JAKMIP1: variants seen among roughly 807,000 people sequenced by gnomAD.
JAKMIP1 encodes janus kinase and microtubule-interacting protein 1.
A neutral mutation model predicts 113.0 loss-of-function variants in JAKMIP1; 33 were observed. The observed-to-expected ratio is 0.29, with a 90% CI of 0.22 to 0.39. JAKMIP1 has a LOEUF of 0.39. Among genes scored for constraint, JAKMIP1 ranks in the 10% least tolerant of loss-of-function variants. JAKMIP1 has a pLI of 1.00. For missense variants in JAKMIP1, 813 were observed against 1,080.5 expected (o/e 0.75, Z 3.47); for synonymous variants, 480 against 459.9 (o/e 1.04, Z -0.56).
At chr4:6,029,173 C>A (rs1290796705) in intron 20 of JAKMIP1, among the ~76,000 whole-genome samples, 1 of 152,232 alleles carries the variant, frequency 6.6e-6, no homozygotes, top group African/African-American at 2.4e-5. Context: ...GTGTCCTAAT[C>A]TATCTCTGCC....
chr4:6,148,890 G>T (rs563683287), intron 1 of JAKMIP1, among the ~76,000 whole-genome samples: 2 of 152,230 alleles, frequency 1.3e-5, no homozygotes, highest in Non-Finnish European at 2.9e-5. Context: ...GTAGAAAAAA[G>T]GAGGAGTATT....
At chr4:6,052,432 A>G (rs925229805) in intron 13 of JAKMIP1, among the ~76,000 whole-genome samples, 1 of 152,014 alleles carries the variant, frequency 6.6e-6, no homozygotes, top group African/African-American at 2.4e-5. Flanking sequence ...GGATCCCTTG[A>G]GGTCAGGAGT....
At chr4:6,082,555 G>A (rs1720736311) in intron 5 of JAKMIP1, among the ~76,000 whole-genome samples, 1 of 151,838 alleles carries the variant, frequency 6.6e-6, no homozygotes, top group Non-Finnish European at 1.5e-5. Flanking sequence ...CCAGGCTTGA[G>A]TGCCGTGGCG....
At position 6,059,425 on chromosome 4, in the gene JAKMIP1, C is replaced by T. The variant is rs1356717906; in HGVS notation, c.1644+999G>A. On this transcript the variant is annotated intron_variant, in intron 11 of 20. Coordinates refer to ENST00000409021, the MANE Select transcript of JAKMIP1 (RefSeq NM_001099433.2). The surrounding 1 kb of genome is among the most constrained non-coding windows in gnomAD (Gnocchi z 4.8). ...GGAACCTCTTACACCCCTTGCTTCACACCCGCCTCCTCCCACTGTATCCCA... is the reference window on the plus strand; with the variant it reads ...GGAACCTCTTACACCCCTTGCTTCATACCCGCCTCCTCCCACTGTATCCCA... 1.3e-5 allele frequency among the ~76,000 whole-genome samples: 2 copies of T among 152,132 alleles called. No individual in the cohort carries two copies. Among genetic ancestry groups the T allele is most frequent in the Non-Finnish European group, 1.5e-5 (1 of 68,014 alleles).
At position 6,080,249 on chromosome 4, in the gene JAKMIP1, T is replaced by C. The variant is rs758224905; in HGVS notation, c.1165A>G (p.Thr389Ala). Residue 389 changes from threonine to alanine, a missense_variant, in exon 7 of 21, where the codon ACG (threonine) becomes GCG (alanine). Physicochemically the swap from Thr to Ala is moderately conservative, Grantham distance 58. Coordinates refer to ENST00000409021, the MANE Select transcript of JAKMIP1 (RefSeq NM_001099433.2). This position sits in a 1 kb window ranked among gnomAD's most constrained non-coding sequence, Gnocchi z 6.0. ...AACTCGATCTCCTGCTCATCCCTCG[T>C]CAGGCTGAGGTCATTCAAGGAGGTA... ...RHTSLNDLSLTRDEQEIEFLR... is the reference protein window; with the variant it reads ...RHTSLNDLSLARDEQEIEFLR... 2 of 1,614,196 alleles carry C rather than the reference T, an allele frequency of 1.2e-6. No homozygotes were observed. Among genetic ancestry groups the C allele is most frequent in the Non-Finnish European group, 1.7e-6 (2 of 1,180,030 alleles).
Position 6,143,530 on chromosome 4 carries a change from C to T in JAKMIP1, c.-147-30533G>A, listed in dbSNP as rs1429604635. Among the ~76,000 whole-genome samples, 1 of 152,224 alleles carries T rather than the reference C, an allele frequency of 6.6e-6. No individual in the cohort carries two copies. The highest frequency in any genetic ancestry group is 6.5e-5 in the Admixed American group (1 of 15,286). ...TGGATCCGGCCTGGGTCCCACCTGG[C>T]CTCTTTCAGTTATGCCTCCAGCCCC... On this transcript the variant is annotated intron_variant, in intron 1 of 20. Transcript: ENST00000409021. The surrounding 1 kb of genome is among the most constrained non-coding windows in gnomAD (Gnocchi z 4.9).
chr4:6,060,414 T>G lies in JAKMIP1; in HGVS notation c.1644+10A>C. ...CTAAGATTCACAGAGCACAGATCAC[T>G]CCTGCTCACCTGTCCCTTCTCAACC... On this transcript the variant is annotated intron_variant, in intron 11 of 20. Coordinates refer to ENST00000409021, the MANE Select transcript of JAKMIP1 (RefSeq NM_001099433.2). 2 of 1,601,830 alleles carry G rather than the reference T, an allele frequency of 1.2e-6. No homozygotes were observed. The highest frequency in any genetic ancestry group is 1.7e-6 in the Non-Finnish European group (2 of 1,168,758).
Position 6,192,814 on chromosome 4 carries a change from G to C in JAKMIP1, c.-148+7439C>G, listed in dbSNP as rs1212599173. On this transcript the variant is annotated intron_variant, in intron 1 of 20. Transcript: ENST00000409021. This position sits in a 1 kb window ranked among gnomAD's most constrained non-coding sequence, Gnocchi z 5.0. ...GATTCTCAAAAGCAAACAGGGTACT[G>C]ATGGGAACCAGGGGCACAGCCGCTA... Among the ~76,000 whole-genome samples the C allele has an allele frequency of 6.6e-6, 1 of 152,162 alleles. No homozygotes were observed. The highest frequency in any genetic ancestry group is 1.5e-5 in the Non-Finnish European group (1 of 68,032).
chr4:6,095,712 G>A (rs1378038816), intron 3 of JAKMIP1, among the ~76,000 whole-genome samples: 4 of 152,116 alleles, frequency 2.6e-5, no homozygotes, highest in South Asian at 2.1e-4. Context: ...CATTTCCTTC[G>A]GTAGACTCCT....
At chr4:6,084,249 G>A (rs886696976) in intron 5 of JAKMIP1, among the ~76,000 whole-genome samples, 2 of 151,502 alleles carry the variant, frequency 1.3e-5, no homozygotes, top group African/African-American at 4.9e-5. Context: ...CCCGGGAGGT[G>A]AAGGTTACGG....
At chr4:6,060,337 C>G in intron 11 of JAKMIP1, 87 bp downstream of exon 11, 6 of 979,678 alleles carry the variant, frequency 6.1e-6, no homozygotes, top group Non-Finnish European at 9.9e-6. Flanking sequence ...CACAGAATGT[C>G]CCCCTTGGCA....
chr4:6,117,187 C>G (rs984682067), intron 1 of JAKMIP1, among the ~76,000 whole-genome samples: 8 of 152,224 alleles, frequency 5.3e-5, no homozygotes, highest in Non-Finnish European at 1.0e-4. Context: ...TTCCATTTCA[C>G]TGAAGTGCAG....
chr4:6,147,775 A>G (rs959814208), intron 1 of JAKMIP1, among the ~76,000 whole-genome samples: 2 of 152,218 alleles, frequency 1.3e-5, no homozygotes, highest in Non-Finnish European at 2.9e-5. Context: ...TCAGCTCACA[A>G]GTCTCTCCCA....
Position 6,180,934 on chromosome 4 carries a change from T to A in JAKMIP1, c.-148+19319A>T, listed in dbSNP as rs1304845562. On this transcript the variant is annotated intron_variant, in intron 1 of 20. Coordinates refer to ENST00000409021, the MANE Select transcript of JAKMIP1 (RefSeq NM_001099433.2). This position sits in a 1 kb window ranked among gnomAD's most constrained non-coding sequence, Gnocchi z 4.5. ...TTGCATCATTTTGGAATCTCCCCTT[T>A]ATTAACGTGCAAAGACCCCTTAAGA... Among the ~76,000 whole-genome samples the A allele has an allele frequency of 6.6e-6, 1 of 152,118 alleles. No individual in the cohort carries two copies. Among genetic ancestry groups the A allele is most frequent in the African/African-American group, 2.4e-5 (1 of 41,414 alleles).
rs1437514500 is a variant in JAKMIP1, at chr4:6,088,268, A to C, written c.625-2639T>G. Among the ~76,000 whole-genome samples, 1 of 152,136 alleles carries C rather than the reference A, an allele frequency of 6.6e-6. No individual in the cohort carries two copies. ...GTGATTGAGAGTGATTTGTGCTATG[A>C]GGGGGAAAAAAAACAATAACAACAT... is the stretch of plus-strand genomic sequence containing the variant. On this transcript the variant is annotated intron_variant, in intron 3 of 20. Transcript: ENST00000409021. This position sits in a 1 kb window ranked among gnomAD's most constrained non-coding sequence, Gnocchi z 5.5.
rs945240660 is a variant in JAKMIP1 at position 6,143,960 on chromosome 4, G to A, written c.-147-30963C>T. 6.6e-6 allele frequency among the ~76,000 whole-genome samples: 1 copy of A among 152,164 alleles called. No individual in the cohort carries two copies. The highest frequency in any genetic ancestry group is 1.5e-5 in the Non-Finnish European group (1 of 68,022). ...GGCTGGAGCAGGGACCACAGCATCT[G>A]CCTCACAGGCATGCCAGGGGGTCAA... On this transcript the variant is annotated intron_variant, in intron 1 of 20. Transcript: ENST00000409021. The surrounding 1 kb of genome is among the most constrained non-coding windows in gnomAD (Gnocchi z 4.9).
At position 6,176,779 on chromosome 4, in the gene JAKMIP1, C is replaced by A. The variant is rs554079897; in HGVS notation, c.-148+23474G>T. Reference sequence around the variant, plus strand: ...GGGCGCCATGGCTCACACCTGTAATCCTAGCACTTTTTGGGGGCCGAGGCA... The same window carrying A: ...GGGCGCCATGGCTCACACCTGTAATACTAGCACTTTTTGGGGGCCGAGGCA... On this transcript the variant is annotated intron_variant, in intron 1 of 20. Transcript: ENST00000409021. The surrounding 1 kb of genome is among the most constrained non-coding windows in gnomAD (Gnocchi z 5.5). Among the ~76,000 whole-genome samples, 76 of 152,272 alleles carry A rather than the reference C, an allele frequency of 5.0e-4. 1 individual carries two copies. In the South Asian group the frequency reaches 7.7e-3, roughly 15 times the overall value.
rs989401763 is a variant in JAKMIP1, at chr4:6,155,920, G to A, written c.-147-42923C>T. Among the ~76,000 whole-genome samples the A allele has an allele frequency of 2.6e-5, 4 of 152,136 alleles. No homozygotes were observed. Among genetic ancestry groups the A allele is most frequent in the Non-Finnish European group, 4.4e-5 (3 of 68,026 alleles). On this transcript the variant is annotated intron_variant, in intron 1 of 20. Coordinates refer to ENST00000409021, the MANE Select transcript of JAKMIP1 (RefSeq NM_001099433.2). This position sits in a 1 kb window ranked among gnomAD's most constrained non-coding sequence, Gnocchi z 6.1. ...AGTTTGCACATACATTTTTCTGTGC[G>A]GTAATGTGTGAGAACCGCTGCTGGG...
intron 1 of JAKMIP1, among the ~76,000 whole-genome samples, chr4:6,134,238 C>T (rs1560247986): frequency 1.3e-5 from 2 of 152,196 alleles, no homozygotes; most frequent in Admixed American, 1.3e-4. Flanking sequence ...TTTCCCCTTC[C>T]ACCATGATTG....
Sources: allele counts gnomAD v4.1 joint callset (sites outside exome capture counted in the v4.1 genomes callset), GRCh38; gene constraint gnomAD v4.1.1; non-coding constraint Gnocchi (gnomAD v3.1); transcripts MANE v1.5; gene names NCBI Gene and HGNC (gene_info 2026-07-23, HGNC 2026-07-21).